Variants in FARSB observed in about 807,000 individuals in gnomAD.
FARSB encodes phenylalanyl-tRNA synthetase subunit beta, also known as phenylalanine--tRNA ligase beta subunit.
Under a neutral mutation model 69.6 loss-of-function variants are expected in FARSB, and 40 were observed. That is an observed-to-expected ratio of 0.57 (90% CI 0.45 to 0.75). The LOEUF is 0.75. Ranked by LOEUF, FARSB falls within the 30% of genes least tolerant of loss-of-function variation. The probability of loss-of-function intolerance (pLI) is 0.00; values close to 1 mark genes in which losing one functional copy is unlikely to be tolerated. For missense variants in FARSB, 632 were observed against 722.9 expected (o/e 0.87, Z 1.44); for synonymous variants, 235 against 247.2 (o/e 0.95, Z 0.46).
intron 16 of FARSB, 49 bp downstream of exon 16, chr2:222,599,879 C>T: frequency 2.1e-6 from 3 of 1,431,910 alleles, no homozygotes; most frequent in Non-Finnish European, 1.9e-6. Context: ...CAAGGTGTAG[C>T]CTCTTCCTGA....
At chr2:222,578,653 A>T (rs989751664) in intron 16 of FARSB, among the ~76,000 whole-genome samples, 12 of 152,214 alleles carry the variant, frequency 7.9e-5, no homozygotes, top group African/African-American at 2.9e-4. Flanking sequence ...CCTGGCCAAC[A>T]TGGTGAAACC....
chr2:222,588,992 C>G (rs185981493), intron 16 of FARSB, among the ~76,000 whole-genome samples: 1 of 152,224 alleles, frequency 6.6e-6, no homozygotes, highest in East Asian at 1.9e-4. Context: ...ACTTTCTTCA[C>G]GGATTTGGAA....
At chr2:222,643,376 GCTA>G (rs1691770295) in intron 2 of FARSB, among the ~76,000 whole-genome samples, 1 of 152,132 alleles carries the variant, frequency 6.6e-6, no homozygotes, top group South Asian at 2.1e-4. Context: ...ATTATCTACT[GCTA>G]CTTACACACT....
Position 222,571,572 on chromosome 2 carries a change from T to G in FARSB, c.*299A>C, listed in dbSNP as rs914785508. ...TCCGTTCCAATGTGATGTTCTGATG[T>G]CTGAGGAGCACGTCTGCCTTTCAGA... On this transcript the variant is annotated 3_prime_UTR_variant, in exon 17 of 17. Coordinates refer to ENST00000281828, the MANE Select transcript of FARSB (RefSeq NM_005687.5). 12 of 231,164 alleles carry G rather than the reference T, an allele frequency of 5.2e-5. No individual in the cohort carries two copies. The highest frequency in any genetic ancestry group is 1.0e-4 in the Non-Finnish European group (12 of 120,260). 14.3% of individuals were successfully genotyped at this position (231,164 alleles called of 1,614,324 possible).
At chr2:222,609,130 G>A (rs1690778711) in intron 15 of FARSB, among the ~76,000 whole-genome samples, 1 of 152,172 alleles carries the variant, frequency 6.6e-6, no homozygotes, top group Admixed American at 6.5e-5. Context: ...ATTTCAGAGA[G>A]ATTCTATCTA....
In FARSB at chr2:222,639,685, A is replaced by T. The variant is rs1360528744; in HGVS notation, c.350T>A (p.Ile117Lys). Reference protein sequence around the residue: ...KLIITEETAKIRPFAVAAVLR... With the variant: ...KLIITEETAKKRPFAVAAVLR... ...AACTGCTGCTACCGCAAAAGGACGT[A>T]TCTTAGCTGTCTGAAATTCATAATA... Residue 117 changes from isoleucine (I) to lysine (K), a missense_variant, in exon 5 of 17, where the codon ATA becomes AAA. Ile to Lys is a moderately radical substitution (Grantham distance 102). Coordinates refer to ENST00000281828, the MANE Select transcript of FARSB (RefSeq NM_005687.5). The T allele has an allele frequency of 6.5e-7, 1 of 1,534,918 alleles. No homozygotes were observed. Among genetic ancestry groups the T allele is most frequent in the Admixed American group, 1.8e-5 (1 of 55,496 alleles).
At position 222,572,016 on chromosome 2, in the gene FARSB, G is replaced by T; in HGVS notation, c.1625C>A (p.Ala542Asp). ...GYVIKASEGP[A>D]FFPGRCAEIF... ...CTCTGCACATCGCCCGGGGAAGAAAGCAGGCCCTGAAAAAGAGAAAGTAAG... is the reference window on the plus strand; with the variant it reads ...CTCTGCACATCGCCCGGGGAAGAAATCAGGCCCTGAAAAAGAGAAAGTAAG... The change falls in exon 17 of 17, where the codon GCT becomes GAT. Residue 542 changes from alanine to aspartate, a missense_variant. Coordinates refer to ENST00000281828, the MANE Select transcript of FARSB (RefSeq NM_005687.5). 1 of 1,609,064 alleles carries T rather than the reference G, an allele frequency of 6.2e-7. No homozygotes were observed. Among genetic ancestry groups the T allele is most frequent in the East Asian group, 2.2e-5 (1 of 44,836 alleles).
intron 15 of FARSB, among the ~76,000 whole-genome samples, chr2:222,603,367 T>C (rs2106200509): frequency 6.6e-6 from 1 of 152,094 alleles, no homozygotes; most frequent in African/African-American, 2.4e-5. Flanking sequence ...AAGTAAAACA[T>C]GAATATTTTA....
In FARSB at chr2:222,630,198, A is replaced by G. The variant is rs755964857; in HGVS notation, c.787-24T>C. The G allele has an allele frequency of 7.7e-6, 9 of 1,176,050 alleles. No homozygotes were observed. In the Admixed American group the frequency reaches 2.1e-4, roughly 28 times the overall value. 72.9% of individuals were successfully genotyped at this position (1,176,050 alleles called of 1,614,324 possible). ...GCCTGCAAAGAAAAGAAAAACAAATATAGTAATCTATAAATATATTCTCTT... is the reference window on the plus strand; with the variant it reads ...GCCTGCAAAGAAAAGAAAAACAAATGTAGTAATCTATAAATATATTCTCTT... On this transcript the variant is annotated intron_variant, in intron 8 of 16. Transcript: ENST00000281828.
At chr2:222,653,660 T>G (rs1311889945) in intron 1 of FARSB, among the ~76,000 whole-genome samples, 1 of 151,346 alleles carries the variant, frequency 6.6e-6, no homozygotes, top group Non-Finnish European at 1.5e-5. Flanking sequence ...AGACAGGGTC[T>G]CACTTTGTGG....
Position 222,571,584 on chromosome 2 carries a change from G to A in FARSB, c.*287C>T, listed in dbSNP as rs555003960. 1.4e-4 allele frequency: 35 copies of A among 248,598 alleles called. No homozygotes were observed. The highest frequency in any genetic ancestry group is 3.9e-4 in the South Asian group (3 of 7,734). 15.4% of individuals were successfully genotyped at this position (248,598 alleles called of 1,614,324 possible). Reference sequence around the variant, plus strand: ...TGATGTTCTGATGTCTGAGGAGCACGTCTGCCTTTCAGAACAGATCCTGCA... The same window carrying A: ...TGATGTTCTGATGTCTGAGGAGCACATCTGCCTTTCAGAACAGATCCTGCA... On this transcript the variant is annotated 3_prime_UTR_variant, in exon 17 of 17. Coordinates refer to ENST00000281828, the MANE Select transcript of FARSB (RefSeq NM_005687.5).
At chr2:222,587,127 T>C (rs996422421) in intron 16 of FARSB, among the ~76,000 whole-genome samples, 6 of 152,168 alleles carry the variant, frequency 3.9e-5, no homozygotes, top group Non-Finnish European at 7.3e-5. Flanking sequence ...CCTCAGCAAA[T>C]GTAAAAGAAC....
At chr2:222,604,233 A>T (rs1031956727) in intron 15 of FARSB, among the ~76,000 whole-genome samples, 4 of 152,106 alleles carry the variant, frequency 2.6e-5, no homozygotes, top group Non-Finnish European at 5.9e-5. Flanking sequence ...AAAAAAAAAA[A>T]AGATATGCAT....
At position 222,643,017 on chromosome 2, in the gene FARSB, CA is replaced by C; in HGVS notation, c.115-13del. On this transcript the variant is annotated splice_polypyrimidine_tract_variant and intron_variant, in intron 2 of 16. Transcript: ENST00000281828. ...TCCTTCTCAGATGTCTAAAACAAGC[CA>C]AAAAGTAATGATAAAAATTAAATAA... The C allele has an allele frequency of 1.3e-6, 2 of 1,511,082 alleles. No homozygotes were observed. Among genetic ancestry groups the C allele is most frequent in the Non-Finnish European group, 1.8e-6 (2 of 1,112,470 alleles). The allele number at this position is 1,511,082 out of a possible 1,614,324, so 93.6% of individuals were successfully genotyped here. A position where few individuals can be genotyped will look rare whatever the true frequency, so the allele number is the denominator to read the frequency against.
chr2:222,640,423 G>A (rs1691690875), intron 4 of FARSB, among the ~76,000 whole-genome samples: 1 of 151,756 alleles, frequency 6.6e-6, no homozygotes, highest in African/African-American at 2.4e-5. Context: ...TCAGGAATTT[G>A]AGACTAGCCT....
chr2:222,594,424 AT>A (rs1280661282), intron 16 of FARSB, among the ~76,000 whole-genome samples: 2 of 152,210 alleles, frequency 1.3e-5, no homozygotes, highest in Admixed American at 1.3e-4. Context: ...AATGTTAATC[AT>A]TTTTAAATTT....
intron 1 of FARSB, among the ~76,000 whole-genome samples, chr2:222,652,592 G>A (rs1263216648): frequency 6.6e-6 from 1 of 152,234 alleles, no homozygotes; most frequent in African/African-American, 2.4e-5. Flanking sequence ...AGGATAAGGT[G>A]GGAGGAACTA....
At chr2:222,651,482 T>C (rs1692035889) in intron 1 of FARSB, among the ~76,000 whole-genome samples, 2 of 152,106 alleles carry the variant, frequency 1.3e-5, no homozygotes, top group African/African-American at 4.8e-5. Context: ...GGTCCAAAGA[T>C]AAAATCAAGG....
At chr2:222,648,250 A>G (rs556663746) in intron 2 of FARSB, among the ~76,000 whole-genome samples, 19 of 152,198 alleles carry the variant, frequency 1.2e-4, no homozygotes, top group Non-Finnish European at 2.1e-4. Context: ...TTTATAAGCA[A>G]GTCCTTAAAA....
Sources: gnomAD v4.1 joint callset for allele counts (sites outside exome capture counted in the v4.1 genomes callset) on GRCh38, gnomAD v4.1.1 for gene constraint, MANE v1.5 for transcripts, NCBI Gene and HGNC (gene_info 2026-07-23, HGNC 2026-07-21) for gene names.